GALNT17: variants seen among roughly 807,000 people sequenced by gnomAD.
GALNT17 encodes UDP-GalNAc:polypeptide N-acetylgalactosaminyltransferase-like 3.
In GALNT17, 29 loss-of-function variants were observed where a neutral mutation model predicts 63.7. That is an observed-to-expected ratio of 0.46 (90% CI 0.34 to 0.62). GALNT17 has a LOEUF of 0.62. Among genes scored for constraint, GALNT17 ranks in the 20% least tolerant of loss-of-function variants. The probability of loss-of-function intolerance (pLI) is 0.01; values close to 1 mark genes in which losing one functional copy is unlikely to be tolerated. For synonymous variants in GALNT17, 305 were observed against 318.3 expected (o/e 0.96, Z 0.45); for missense variants, 603 against 799.6 (o/e 0.75, Z 2.97).
intron 5 of GALNT17, among the ~76,000 whole-genome samples, chr7:71,493,545 G>A (rs1332929757): frequency 6.6e-6 from 1 of 152,126 alleles, no homozygotes; most frequent in African/African-American, 2.4e-5. Context: ...AGAGAGAATG[G>A]GAGCCACATG....
intron 1 of GALNT17, among the ~76,000 whole-genome samples, chr7:71,237,805 A>T (rs1789923042): frequency 6.6e-6 from 1 of 152,108 alleles, no homozygotes; most frequent in African/African-American, 2.4e-5. Flanking sequence ...CTTTTTGGGG[A>T]TGTTTTCCCA....
At chr7:71,237,356 C>G (rs943246405) in intron 1 of GALNT17, among the ~76,000 whole-genome samples, 2 of 151,638 alleles carry the variant, frequency 1.3e-5, no homozygotes, top group African/African-American at 4.8e-5. Flanking sequence ...AGTCATTTGC[C>G]TGGGACGGAA....
At chr7:71,265,092 T>G (rs1427749119) in intron 1 of GALNT17, among the ~76,000 whole-genome samples, 1 of 110,958 alleles carries the variant, frequency 9.0e-6, no homozygotes, top group Non-Finnish European at 1.9e-5. Context: ...ACGTAACCCA[T>G]AAATATTATA....
At chr7:71,230,118 G>C (rs1789760232) in intron 1 of GALNT17, among the ~76,000 whole-genome samples, 1 of 152,200 alleles carries the variant, frequency 6.6e-6, no homozygotes, top group Non-Finnish European at 1.5e-5. Flanking sequence ...AGCAAAGGGT[G>C]TCTCTGGTAT....
intron 5 of GALNT17, among the ~76,000 whole-genome samples, chr7:71,458,564 G>C (rs1239184321): frequency 2.0e-5 from 3 of 152,218 alleles, no homozygotes; most frequent in Non-Finnish European, 4.4e-5. Context: ...TCAGTGCCCT[G>C]TTGGTGCCTG....
chr7:71,600,273 C>T (rs545091025), intron 6 of GALNT17, among the ~76,000 whole-genome samples: 78 of 150,836 alleles, frequency 5.2e-4, no homozygotes, highest in African/African-American at 1.8e-3. Flanking sequence ...TCTAAAGGCT[C>T]CTGGGCAGGA....
At chr7:71,167,323 A>G (rs1271113839) in intron 1 of GALNT17, among the ~76,000 whole-genome samples, 1 of 152,178 alleles carries the variant, frequency 6.6e-6, no homozygotes, top group Non-Finnish European at 1.5e-5. Context: ...CACTTTGTTC[A>G]AATTTCATGT....
chr7:71,172,462 A>G (rs1234498819), intron 1 of GALNT17, among the ~76,000 whole-genome samples: 3 of 145,912 alleles, frequency 2.1e-5, no homozygotes, highest in African/African-American at 8.3e-5. Flanking sequence ...TCTTAAAAAA[A>G]AAAAGAAAAA....
At chr7:71,693,293 C>CATAT (rs1458750955) in intron 9 of GALNT17, among the ~76,000 whole-genome samples, 1 of 121,014 alleles carries the variant, frequency 8.3e-6, no homozygotes, top group Non-Finnish European at 1.6e-5. Context: ...CACACACACA[C>CATAT]ACACACACAC....
At chr7:71,413,653 T>C (rs1031029919) in intron 3 of GALNT17, among the ~76,000 whole-genome samples, 1 of 151,978 alleles carries the variant, frequency 6.6e-6, no homozygotes, top group African/African-American at 2.4e-5. Context: ...CTTCCTATAA[T>C]TTTTAAACGT....
chr7:71,540,707 TAGAAGTGTTCTATTTAATCCTAGAGC>T (rs1226357521), intron 5 of GALNT17, among the ~76,000 whole-genome samples: 6 of 152,068 alleles, frequency 3.9e-5, no homozygotes, highest in Non-Finnish European at 8.8e-5. Context: ...TCCCTAGGAG[TAGAAGTGTTCTATTTAATCCTAGAGC>T]ATGACAGTGT....
In GALNT17 at chr7:71,665,574, TA is replaced by T; in HGVS notation, c.1245del (p.Ile415MetfsTer23). 6.2e-7 allele frequency: 1 copy of T among 1,613,742 alleles called. No homozygotes were observed. The highest frequency in any genetic ancestry group is 8.5e-7 in the Non-Finnish European group (1 of 1,179,888). On this transcript the variant is annotated frameshift_variant, in exon 7 of 11. Coordinates refer to ENST00000333538, the MANE Select transcript of GALNT17 (RefSeq NM_022479.3). LOFTEE classifies it high-confidence loss of function. The part of the protein sequence containing the change: ...WMDDYKSHVY[I>X]AWNLPLENPG... ...GACGATTACAAGTCTCATGTGTACA[TA>T]GCGTGGAACCTGCCGCTGGAGGTAG...
chr7:71,686,715 A>G (rs1032862184), intron 9 of GALNT17, among the ~76,000 whole-genome samples: 2 of 152,062 alleles, frequency 1.3e-5, no homozygotes, highest in Admixed American at 6.6e-5. Flanking sequence ...TACACATCAC[A>G]ATCACTTTTG....
intron 2 of GALNT17, among the ~76,000 whole-genome samples, chr7:71,377,103 AAAATAAAAAAAATATAT>A (rs1470664826): frequency 1.6e-4 from 10 of 62,966 alleles, no homozygotes; most frequent in African/African-American, 3.3e-4. Flanking sequence ...AAAAAAAATA[AAAATAAAAAAAATATAT>A]ATATATATAT....
Position 71,710,767 on chromosome 7 carries a change from C to T in GALNT17, c.1507C>T (p.Arg503Cys), listed in dbSNP as rs760491974. The T allele has an allele frequency of 2.5e-6, 4 of 1,612,192 alleles. No individual in the cohort carries two copies. The highest frequency in any genetic ancestry group is 2.2e-5 in the East Asian group (1 of 44,866). ...PCHGWGPQLA[R>C]YTKEGFLHLG... ...TGCTCTGGTCTCTCGACAGCTTGCC[C>T]GCTACACCAAGGAAGGCTTCCTGCA... The change falls in exon 10 of 11, where the codon CGC becomes TGC. Residue 503 changes from arginine to cysteine, a missense_variant. Arg to Cys is a radical substitution (Grantham distance 180, BLOSUM62 -3). Transcript: ENST00000333538.
At chr7:71,492,431 C>G (rs958935410) in intron 5 of GALNT17, among the ~76,000 whole-genome samples, 2 of 152,190 alleles carry the variant, frequency 1.3e-5, no homozygotes, top group Non-Finnish European at 2.9e-5. Context: ...TTACACCCAC[C>G]TTCCTGAGAT....
intron 2 of GALNT17, among the ~76,000 whole-genome samples, chr7:71,372,802 T>C (rs1203116853): frequency 6.6e-6 from 1 of 152,200 alleles, no homozygotes; most frequent in Non-Finnish European, 1.5e-5. Flanking sequence ...TACAGATGTG[T>C]AGCATACAAC....
At chr7:71,424,094 C>G (rs1341287416) in intron 5 of GALNT17, among the ~76,000 whole-genome samples, 3 of 152,200 alleles carry the variant, frequency 2.0e-5, no homozygotes, top group Non-Finnish European at 2.9e-5. Context: ...CCCACACCAA[C>G]TGTTCATCAT....
chr7:71,290,023 C>T (rs1790950463), intron 1 of GALNT17, among the ~76,000 whole-genome samples: 1 of 152,082 alleles, frequency 6.6e-6, no homozygotes, highest in South Asian at 2.1e-4. Flanking sequence ...CCAGCATGGG[C>T]AACGAAGCAA....
Sources: allele counts gnomAD v4.1 joint callset (sites outside exome capture counted in the v4.1 genomes callset), GRCh38; gene constraint gnomAD v4.1.1; transcripts MANE v1.5; gene names NCBI Gene and HGNC (gene_info 2026-07-23, HGNC 2026-07-21).